PGAP1: variants seen among roughly 807,000 people sequenced by gnomAD.
The protein encoded by PGAP1 is post-GPI attachment to proteins inositol deacylase 1.
PGAP1 carries 76 observed loss-of-function variants against 127.0 expected under a neutral mutation model. The ratio of observed to expected loss-of-function variants is 0.60; its 90% CI spans 0.50 to 0.72. The LOEUF is 0.72. PGAP1 is among the 30% of genes least tolerant of loss of function. The pLI, the probability that PGAP1 is intolerant of heterozygous loss-of-function variation, is 0.00. For synonymous variants in PGAP1, 362 were observed against 366.5 expected, an observed-to-expected ratio of 0.99 and a Z score of 0.14; for missense variants, 982 against 1,071.3, an observed-to-expected ratio of 0.92 and a Z score of 1.16.
intron 22 of PGAP1, among the ~76,000 whole-genome samples, chr2:196,846,315 T>G (rs1286680624): frequency 1.3e-5 from 2 of 152,130 alleles, no homozygotes; most frequent in East Asian, 3.9e-4. Context: ...GCCATACATC[T>G]CCAGTCTTGA....
intron 4 of PGAP1, among the ~76,000 whole-genome samples, chr2:196,912,580 TAAAAA>T (rs531959600): frequency 1.2e-5 from 1 of 82,482 alleles, no homozygotes; most frequent in Non-Finnish European, 2.5e-5. Context: ...ACCCTGTCTT[TAAAAA>T]AAAAAAAAAA....
intron 12 of PGAP1, among the ~76,000 whole-genome samples, chr2:196,880,864 TTTTAA>T (rs369539265): frequency 6.6e-5 from 10 of 152,152 alleles, no homozygotes; most frequent in African/African-American, 2.4e-4. Context: ...TTCTTTCTTG[TTTTAA>T]TTTAACTTTT....
In PGAP1 at chr2:196,892,361, G is replaced by T. The variant is rs1158673284; in HGVS notation, c.1074C>A (p.Thr358=). Residue 358 remains threonine, a synonymous_variant, in exon 9 of 27, where the codon ACC becomes ACA. Transcript: ENST00000354764. ...GAATACTTACGTTGTAAGCTACATAGGTCCATTTGGACACTTTTACTAGAA... is the reference window on the plus strand; with the variant it reads ...GAATACTTACGTTGTAAGCTACATATGTCCATTTGGACACTTTTACTAGAA... ...MWVLVKVSKW[T]YVAYNESEKI... The T allele has an allele frequency of 1.4e-6, 2 of 1,472,346 alleles. No homozygotes were observed. The highest frequency in any genetic ancestry group is 9.3e-7 in the Non-Finnish European group (1 of 1,074,394). The allele number at this position is 1,472,346 out of a possible 1,614,324, so 91.2% of individuals were successfully genotyped here. A position where few individuals can be genotyped will look rare whatever the true frequency, so the allele number is the denominator to read the frequency against.
intron 3 of PGAP1, among the ~76,000 whole-genome samples, chr2:196,913,361 G>C (rs1702898088): frequency 6.6e-6 from 1 of 152,012 alleles, no homozygotes; most frequent in Non-Finnish European, 1.5e-5. Context: ...AATTATATTT[G>C]GTATATACCA....
chr2:196,895,986 T>C (rs929304249), intron 7 of PGAP1, among the ~76,000 whole-genome samples: 1 of 152,102 alleles, frequency 6.6e-6, no homozygotes, highest in African/African-American at 2.4e-5. Flanking sequence ...TAAGATGACC[T>C]GAGGTAAAAG....
At chr2:196,842,530 A>C (rs1700443463) in intron 26 of PGAP1, among the ~76,000 whole-genome samples, 191 bp downstream of exon 26, 3 of 152,098 alleles carry the variant, frequency 2.0e-5, no homozygotes, top group Admixed American at 2.0e-4. Context: ...AGAAAAAAAA[A>C]CTGCATTATA....
chr2:196,873,816 CTGAT>C lies in PGAP1; in HGVS notation c.1427-62_1427-59del, dbSNP rs1389859719. 2.6e-6 allele frequency: 3 copies of C among 1,151,010 alleles called. No individual in the cohort carries two copies. In the African/African-American group the frequency reaches 4.6e-5, roughly 18 times the overall value. 71.3% of individuals were successfully genotyped at this position (1,151,010 alleles called of 1,614,324 possible). A position where few individuals can be genotyped will look rare whatever the true frequency, so the allele number is the denominator to read the frequency against. Reference sequence around the variant, plus strand: ...TATCAAGGAAGTTTTTAAAAACATACTGATTATTTAATTAGCATTAAGACAATGC... The same window carrying C: ...TATCAAGGAAGTTTTTAAAAACATACTATTTAATTAGCATTAAGACAATGC... On this transcript the variant is annotated intron_variant, in intron 14 of 26. Transcript: ENST00000354764.
chr2:196,925,570 G>T (rs946324469), intron 1 of PGAP1, among the ~76,000 whole-genome samples: 2 of 152,156 alleles, frequency 1.3e-5, no homozygotes, highest in Non-Finnish European at 2.9e-5. Context: ...AGTCATGAAT[G>T]AAATTCTAGA....
At chr2:196,898,579 T>C (rs780803959) in intron 5 of PGAP1, among the ~76,000 whole-genome samples, 2 of 152,152 alleles carry the variant, frequency 1.3e-5, no homozygotes, top group Non-Finnish European at 2.9e-5. Context: ...CATAACTCTT[T>C]CTAAATATCA....
intron 10 of PGAP1, 65 bp from the exon 11 acceptor site, chr2:196,885,945 C>T (rs1256598384): frequency 1.8e-6 from 2 of 1,119,120 alleles, no homozygotes; most frequent in Non-Finnish European, 2.4e-6. Flanking sequence ...ACAAAACAAA[C>T]ACCCATTTTC....
Position 196,833,915 on chromosome 2 carries a change from T to C in PGAP1, c.*7319A>G, listed in dbSNP as rs1003504036. On this transcript the variant is annotated 3_prime_UTR_variant, in exon 27 of 27. Coordinates refer to ENST00000354764, the MANE Select transcript of PGAP1 (RefSeq NM_024989.4). ...CTGAAGCCCGTTTTCTCTTGAAGCC[T>C]TAAAAATATATAGGAAGAAAAAAGA... 4.6e-5 allele frequency: 7 copies of C among 151,878 alleles called. No homozygotes were observed. Among genetic ancestry groups the C allele is most frequent in the Non-Finnish European group, 7.4e-5 (5 of 67,898 alleles). 9.4% of individuals were successfully genotyped at this position (151,878 alleles called of 1,614,324 possible). A position where few individuals can be genotyped will look rare whatever the true frequency, so the allele number is the denominator to read the frequency against.
chr2:196,890,571 C>T lies in PGAP1; in HGVS notation c.1173+257G>A, dbSNP rs73064983. On this transcript the variant is annotated intron_variant, in intron 10 of 26. Transcript: ENST00000354764. Reference sequence around the variant, plus strand: ...GGTTTTGAATTCCATTCCTTCATCACGAACAGAGTAAAATGAAGGCAGAAA... The same window carrying T: ...GGTTTTGAATTCCATTCCTTCATCATGAACAGAGTAAAATGAAGGCAGAAA... Among the ~76,000 whole-genome samples, 15,519 of 151,826 alleles carry T rather than the reference C, an allele frequency of 0.1. 964 individuals are homozygous for T. The highest frequency in any genetic ancestry group is 0.17 in the African/African-American group (7,180 of 41,404).
chr2:196,922,371 T>C (rs1703224361), intron 1 of PGAP1: 1 of 984,656 alleles, frequency 1.0e-6, no homozygotes, highest in Non-Finnish European at 1.2e-6. Context: ...TACACATAGT[T>C]TTTAACTTCA....
chr2:196,883,526 T>A (rs1298072953), intron 12 of PGAP1, among the ~76,000 whole-genome samples: 1 of 152,210 alleles, frequency 6.6e-6, no homozygotes, highest in Non-Finnish European at 1.5e-5. Flanking sequence ...GTAGCTAATA[T>A]GAAACATTAA....
chr2:196,899,469 C>T (rs982365120), intron 5 of PGAP1, among the ~76,000 whole-genome samples: 1 of 152,124 alleles, frequency 6.6e-6, no homozygotes, highest in Non-Finnish European at 1.5e-5. Context: ...ATTAGACAAC[C>T]AGAGTTCACT....
intron 1 of PGAP1, among the ~76,000 whole-genome samples, chr2:196,923,666 CT>C (rs755055183): frequency 2.0e-3 from 286 of 144,108 alleles, no homozygotes; most frequent in Middle Eastern, 3.7e-3. Context: ...TTTTTTCTTT[CT>C]TTTTTTTTTT....
intron 25 of PGAP1, among the ~76,000 whole-genome samples, chr2:196,843,522 G>C (rs1048879372): frequency 6.6e-6 from 1 of 152,038 alleles, no homozygotes; most frequent in African/African-American, 2.4e-5. Context: ...CTTTTATTTA[G>C]CAATTGACCA....
In PGAP1 at chr2:196,902,572, A is replaced by G. The variant is rs1170583810; in HGVS notation, c.807+13T>C. ...TACATTACTATTTCAATAGAATCTT[A>G]AAAAAAGATTACCACAACAGATAAG... On this transcript the variant is annotated intron_variant, in intron 5 of 26. Transcript: ENST00000354764. The G allele has an allele frequency of 3.2e-6, 5 of 1,582,942 alleles. No homozygotes were observed. The African/African-American group carries it at 6.8e-5, about 22-fold the overall frequency.
chr2:196,898,371 TAAAAG>T lies in PGAP1; in HGVS notation c.808-7_808-3del, dbSNP rs570708925. 1.0e-4 allele frequency: 164 copies of T among 1,602,076 alleles called. No individual in the cohort carries two copies. The highest frequency in any genetic ancestry group is 1.4e-4 in the Non-Finnish European group (161 of 1,172,898). On this transcript the variant is annotated splice_polypyrimidine_tract_variant and splice_region_variant and intron_variant, in intron 5 of 26. Transcript: ENST00000354764. ...CCAGGTCTTAGGCACTGCTGAACTC[TAAAAG>T]AAAAGAAAAAAATAAACTTACGAAA... is the stretch of plus-strand genomic sequence containing the variant.
Sources: allele counts gnomAD v4.1 joint callset (sites outside exome capture counted in the v4.1 genomes callset), GRCh38; gene constraint gnomAD v4.1.1; transcripts MANE v1.5; gene names NCBI Gene and HGNC (gene_info 2026-07-23, HGNC 2026-07-21).